MEMO1: variants seen among roughly 807,000 people sequenced by gnomAD.
MEMO1 encodes the protein mediator of cell motility 1, also known as protein MEMO1.
A neutral mutation model predicts 45.2 loss-of-function variants in MEMO1; 6 were observed. The ratio of observed to expected loss-of-function variants is 0.13; its 90% CI spans 0.07 to 0.26. The LOEUF (loss-of-function observed/expected upper bound fraction) is 0.26. Ranked by LOEUF, MEMO1 falls within the 10% of genes least tolerant of loss-of-function variation. MEMO1 has a pLI of 1.00. For missense variants in MEMO1, 184 were observed against 370.5 expected, an observed-to-expected ratio of 0.50 and a Z score of 4.13; for synonymous variants, 78 against 124.3, an observed-to-expected ratio of 0.63 and a Z score of 2.48.
chr2:31,991,864 C>T (rs372354247), intron 2 of MEMO1, among the ~76,000 whole-genome samples: 1 of 151,884 alleles, frequency 6.6e-6, no homozygotes, highest in East Asian at 1.9e-4. Context: ...ATAAATGAAT[C>T]CATCATCTAT....
chr2:31,880,356 A>T (rs1675172717), intron 8 of MEMO1, among the ~76,000 whole-genome samples: 1 of 152,244 alleles, frequency 6.6e-6, no homozygotes, highest in Non-Finnish European at 1.5e-5. Context: ...AAAATTCTAA[A>T]GGTAAAAGTA....
rs193107326 is a variant in MEMO1, at chr2:31,900,156, T to A, written c.438-8022A>T. ...AAGGATCTAGAACTAGAAATACCAT[T>A]TGACCCAGCAATCCCATTACTGGGT... is the stretch of plus-strand genomic sequence containing the variant. On this transcript the variant is annotated intron_variant, in intron 6 of 9. Transcript: ENST00000404530. Among the ~76,000 whole-genome samples, 644 of 152,322 alleles carry A rather than the reference T, an allele frequency of 4.2e-3. 5 individuals carry two copies. Among genetic ancestry groups the A allele is most frequent in the Middle Eastern group, 6.8e-3 (2 of 294 alleles).
chr2:31,899,871 A>T (rs137989999), intron 6 of MEMO1, among the ~76,000 whole-genome samples: 3,060 of 152,360 alleles, frequency 0.02, 38 homozygotes, highest in Non-Finnish European at 0.025. Flanking sequence ...TAGGCTAAAG[A>T]TATGAACAGA....
chr2:31,920,713 A>G, intron 5 of MEMO1, 85 bp downstream of exon 5: 1 of 673,258 alleles, frequency 1.5e-6, no homozygotes, highest in Non-Finnish European at 2.3e-6. Context: ...ATTACTTATG[A>G]TATTCATAAG....
At chr2:32,000,390 C>T (rs1362504564) in intron 2 of MEMO1, among the ~76,000 whole-genome samples, 1 of 152,080 alleles carries the variant, frequency 6.6e-6, no homozygotes, top group Non-Finnish European at 1.5e-5. Flanking sequence ...GCCACCACGC[C>T]CAGCTAATTT....
chr2:31,966,988 T>C (rs184043903), intron 2 of MEMO1, among the ~76,000 whole-genome samples: 11 of 152,282 alleles, frequency 7.2e-5, no homozygotes, highest in African/African-American at 2.4e-4. Flanking sequence ...ATACAGGACT[T>C]TGTTCTATAA....
chr2:32,004,752 C>T (rs569274368), intron 2 of MEMO1, among the ~76,000 whole-genome samples: 2 of 152,126 alleles, frequency 1.3e-5, no homozygotes, highest in African/African-American at 4.8e-5. Flanking sequence ...CATGGTGAAA[C>T]CCCATCTCTA....
intron 2 of MEMO1, among the ~76,000 whole-genome samples, chr2:31,976,570 T>A (rs35404750): frequency 0.13 from 18,997 of 150,994 alleles, 1,324 homozygotes; most frequent in Middle Eastern, 0.2. Flanking sequence ...AGAGCAAGAC[T>A]GTCTCAAAAA....
rs1034013209 is a variant in MEMO1 at position 31,922,107 on chromosome 2, G to A, written c.213-1197C>T. 2.2e-4 allele frequency among the ~76,000 whole-genome samples: 33 copies of A among 152,188 alleles called. No individual in the cohort carries two copies. In the East Asian group the frequency reaches 5.4e-3, roughly 25 times the overall value. ...CCAAAACTATGAGAAGAAAATATAT[G>A]ATATGCTATGTAGCTAGAAAAGTAT... On this transcript the variant is annotated intron_variant, in intron 4 of 9. Coordinates refer to ENST00000404530, the MANE Select transcript of MEMO1 (RefSeq NM_001301833.4).
rs901091151 is a variant in MEMO1, at chr2:31,948,714, C to T, written c.62-5331G>A. 1.2e-4 allele frequency among the ~76,000 whole-genome samples: 19 copies of T among 152,176 alleles called. 1 individual carries two copies. The highest frequency in any genetic ancestry group is 2.9e-4 in the African/African-American group (12 of 41,446). On this transcript the variant is annotated intron_variant, in intron 2 of 9. Transcript: ENST00000404530. The stretch of plus-strand genomic sequence containing the variant: ...AGCAGATTGAGATCAGCTTGGCCAA[C>T]GTGCCGAAACCCCGTCTCTACTAAA...
intron 2 of MEMO1, among the ~76,000 whole-genome samples, chr2:31,973,427 C>T (rs1025484076): frequency 1.3e-5 from 2 of 151,302 alleles, no homozygotes; most frequent in African/African-American, 4.9e-5. Flanking sequence ...GCACTCCAGA[C>T]TCAGTGACAG....
intron 3 of MEMO1, among the ~76,000 whole-genome samples, chr2:31,942,672 C>T (rs1459492831): frequency 6.6e-6 from 1 of 152,040 alleles, no homozygotes; most frequent in Non-Finnish European, 1.5e-5. Flanking sequence ...TACAAGCGTA[C>T]CATCACACCC....
chr2:31,906,862 G>A (rs1057367892), intron 6 of MEMO1, among the ~76,000 whole-genome samples: 1 of 152,066 alleles, frequency 6.6e-6, no homozygotes, highest in South Asian at 2.1e-4. Flanking sequence ...TGTGTGAAAA[G>A]GTAGACAAGG....
intron 2 of MEMO1, among the ~76,000 whole-genome samples, chr2:31,995,818 T>A (rs551625122): frequency 6.6e-6 from 1 of 152,106 alleles, no homozygotes; most frequent in East Asian, 1.9e-4. Flanking sequence ...TTCAAAACTA[T>A]TCAAAGGTAC....
In MEMO1 at chr2:31,989,228, C is replaced by CA. The variant is rs772035887; in HGVS notation, c.61+20958dup. ...GGGCAACAAGAGCAAAACTCTGTCT[C>CA]AAAAAAAAAAAAAAAGAAAGAAAGA... On this transcript the variant is annotated intron_variant, in intron 2 of 9. Transcript: ENST00000404530. 7.7e-3 allele frequency among the ~76,000 whole-genome samples: 616 copies of CA among 80,272 alleles called. 1 individual carries two copies. Among genetic ancestry groups the CA allele is most frequent in the African/African-American group, 0.021 (464 of 22,526 alleles). The allele number at this position is 80,272 out of a possible 152,430, so 52.7% of individuals were successfully genotyped here. A position where few individuals can be genotyped will look rare whatever the true frequency, so the allele number is the denominator to read the frequency against.
chr2:31,932,171 AT>A, intron 3 of MEMO1, 36 bp from the exon 4 acceptor site: 1 of 1,569,692 alleles, frequency 6.4e-7, no homozygotes, highest in Non-Finnish European at 8.8e-7. Context: ...TAATCATCAG[AT>A]TCAAAATCAA....
chr2:31,983,847 G>C (rs1289705472), intron 2 of MEMO1, among the ~76,000 whole-genome samples: 1 of 152,196 alleles, frequency 6.6e-6, no homozygotes, highest in Admixed American at 6.5e-5. Flanking sequence ...GAAGCATCTT[G>C]AAGAAAGCAA....
At chr2:31,997,147 T>C (rs1672714604) in intron 2 of MEMO1, among the ~76,000 whole-genome samples, 1 of 152,004 alleles carries the variant, frequency 6.6e-6, no homozygotes. Flanking sequence ...CTTGAGGTAA[T>C]AATAAAGACA....
At chr2:31,925,394 T>C (rs1388975829) in intron 4 of MEMO1, among the ~76,000 whole-genome samples, 2 of 144,732 alleles carry the variant, frequency 1.4e-5, no homozygotes, top group Non-Finnish European at 3.0e-5. Flanking sequence ...GAGAATCGTT[T>C]GAACCCGGGA....
Sources: gnomAD v4.1 joint callset for allele counts (sites outside exome capture counted in the v4.1 genomes callset) on GRCh38, gnomAD v4.1.1 for gene constraint, MANE v1.5 for transcripts, NCBI Gene and HGNC (gene_info 2026-07-23, HGNC 2026-07-21) for gene names.